The following RP1 variants were observed in gnomAD, a reference collection of about 807,000 sequenced individuals.
RP1 encodes the protein oxygen-regulated protein 1.
RP1 carries 16 observed loss-of-function variants against 14.8 expected under a neutral mutation model. That is an observed-to-expected ratio of 1.08 (90% CI 0.73 to 1.65). RP1 has a LOEUF of 1.65. Ranked by LOEUF, RP1 falls within the 40% of genes most tolerant of loss-of-function variation. The pLI, the probability that RP1 is intolerant of heterozygous loss-of-function variation, is 0.00. For synonymous variants in RP1, 876 were observed against 883.6 expected (o/e 0.99, Z 0.15); for missense variants, 2,631 against 2,535.0 (o/e 1.04, Z -0.81).
At chr8:54,717,539 A>G (rs1490103115) in intron 15 of RP1, among the ~76,000 whole-genome samples, 2 of 152,178 alleles carry the variant, frequency 1.3e-5, no homozygotes. Context: ...GGCTGATTGA[A>G]TATTGGTGGT....
At chr8:54,783,001 T>C (rs987720253) in intron 23 of RP1, among the ~76,000 whole-genome samples, 4 of 152,154 alleles carry the variant, frequency 2.6e-5, no homozygotes, top group African/African-American at 9.7e-5. Flanking sequence ...ATTTTCTTCC[T>C]TACTTGTTGG....
chr8:54,609,312 G>A lies in RP1; in HGVS notation c.-12-11643G>A, dbSNP rs578227090. Among the ~76,000 whole-genome samples, 6 of 152,028 alleles carry A rather than the reference G, an allele frequency of 3.9e-5. No individual in the cohort carries two copies. In the East Asian group the frequency reaches 9.7e-4, roughly 25 times the overall value. The stretch of plus-strand genomic sequence containing the variant: ...CCAGTCTTAAAAAAAAAAATAGCTG[G>A]GTGTGGTGATGCACTCCTGCAGTCC... On this transcript the variant is annotated intron_variant, in intron 1 of 22. Coordinates refer to the RP1 transcript ENST00000636932.
rs1460146364 is a variant in RP1, at chr8:54,628,180, C to T, written c.4298C>T (p.Ala1433Val). 2 of 1,613,854 alleles carry T rather than the reference C, an allele frequency of 1.2e-6. No individual in the cohort carries two copies. The highest frequency in any genetic ancestry group is 2.2e-5 in the South Asian group (2 of 91,074). ...CTAAGGAAGTTTCAGGATGAAAATG[C>T]ATATACTTCCTTTGATATGGAAGAA... ...CSLRKFQDEN[A>V]YTSFDMEEPR... Residue 1433 changes from alanine to valine, a missense_variant, in exon 4 of 4, where the codon GCA (alanine) becomes GTA (valine). Ala to Val is a moderately conservative substitution (Grantham distance 64). Coordinates refer to ENST00000220676, the MANE Select transcript of RP1 (RefSeq NM_006269.2).
chr8:54,601,213 T>C (rs1434480853), intron 1 of RP1, among the ~76,000 whole-genome samples: 17 of 152,184 alleles, frequency 1.1e-4, no homozygotes, highest in Admixed American at 1.1e-3. Flanking sequence ...TGTTAAAAAT[T>C]AAGCTTTGAA....
chr8:54,868,152 C>T (rs557478443), intron 28 of RP1, among the ~76,000 whole-genome samples: 1 of 152,174 alleles, frequency 6.6e-6, no homozygotes, highest in Admixed American at 6.5e-5. Flanking sequence ...GTCACATTCT[C>T]TTCCAAGCCA....
At chr8:54,682,025 A>G (rs1410546700) in intron 12 of RP1, among the ~76,000 whole-genome samples, 1 of 151,996 alleles carries the variant, frequency 6.6e-6, no homozygotes, top group Admixed American at 6.6e-5. Context: ...TATCTTCATA[A>G]TAGTATGATT....
rs143962057 is a variant in RP1, at chr8:54,652,965, G to A, written c.1038+99G>A. 1.0e-5 allele frequency: 8 copies of A among 765,930 alleles called. No homozygotes were observed. In the East Asian group the frequency reaches 2.2e-4, roughly 21 times the overall value. The allele number at this position is 765,930 out of a possible 1,614,324, so 47.4% of individuals were successfully genotyped here. On this transcript the variant is annotated intron_variant, in intron 5 of 22. Coordinates refer to the RP1 transcript ENST00000636932. Reference sequence around the variant, plus strand: ...GCCTATAATGAGTTGATAGAGTCCTGTACCTTTTTAGCCAGTGCTTTCTTC... The same window carrying A: ...GCCTATAATGAGTTGATAGAGTCCTATACCTTTTTAGCCAGTGCTTTCTTC...
At chr8:54,868,781 T>A (rs1344735867) in intron 28 of RP1, among the ~76,000 whole-genome samples, 3 of 152,186 alleles carry the variant, frequency 2.0e-5, no homozygotes, top group Admixed American at 2.0e-4. Flanking sequence ...TCTTCCGCAG[T>A]ATAGATTATC....
In RP1 at chr8:54,627,014, A is replaced by C. The variant is rs35234349; in HGVS notation, c.3132A>C (p.Lys1044Asn). ...HNTKSHIAAE[K>N]SGPEKKLVYQ... ...CTAAAAGTCATATAGCTGCTGAAAAATCAGGACCAGAGAAAAAACTTGTTT... is the reference window on the plus strand; with the variant it reads ...CTAAAAGTCATATAGCTGCTGAAAACTCAGGACCAGAGAAAAAACTTGTTT... The change falls in exon 4 of 4, where the codon AAA becomes AAC. Residue 1044 changes from lysine to asparagine, a missense_variant. Coordinates refer to ENST00000220676, the MANE Select transcript of RP1 (RefSeq NM_006269.2). 629 of 1,614,016 alleles carry C rather than the reference A, an allele frequency of 3.9e-4. 3 individuals are homozygous for C. In the African/African-American group the frequency reaches 7.2e-3, roughly 19 times the overall value.
At chr8:54,730,760 C>T (rs1368635002) in intron 17 of RP1, among the ~76,000 whole-genome samples, 1 of 152,044 alleles carries the variant, frequency 6.6e-6, no homozygotes. Context: ...TGTTAGTTAT[C>T]TCTACCAGCT....
intron 25 of RP1, among the ~76,000 whole-genome samples, chr8:54,841,204 C>T (rs1811782528): frequency 3.3e-5 from 5 of 152,134 alleles, no homozygotes; most frequent in Admixed American, 2.6e-4. Flanking sequence ...CTTGATTTGG[C>T]TTTGAGAAGA....
intron 5 of RP1, among the ~76,000 whole-genome samples, chr8:54,655,393 T>G (rs1396091102): frequency 6.6e-6 from 1 of 152,182 alleles, no homozygotes; most frequent in Non-Finnish European, 1.5e-5. Context: ...TTTCATATTT[T>G]TCAGTTCCTA....
chr8:54,837,041 T>G (rs1387955170), intron 24 of RP1, among the ~76,000 whole-genome samples: 2 of 152,172 alleles, frequency 1.3e-5, no homozygotes, highest in African/African-American at 4.8e-5. Flanking sequence ...AGTTTAAATC[T>G]AGGTGTACAT....
chr8:54,778,647 T>A (rs1194810025), intron 23 of RP1, among the ~76,000 whole-genome samples: 1 of 152,204 alleles, frequency 6.6e-6, no homozygotes, highest in Middle Eastern at 3.4e-3. Flanking sequence ...TAAGAGAAGG[T>A]GACCTTTGAG....
intron 15 of RP1, among the ~76,000 whole-genome samples, chr8:54,715,729 A>G (rs1369774839): frequency 6.6e-6 from 1 of 152,202 alleles, no homozygotes; most frequent in Non-Finnish European, 1.5e-5. Flanking sequence ...CATTACATGA[A>G]CAAATTATGA....
At chr8:54,865,559 C>T (rs1449988406) in intron 27 of RP1, among the ~76,000 whole-genome samples, 1 of 152,046 alleles carries the variant, frequency 6.6e-6, no homozygotes, top group Non-Finnish European at 1.5e-5. Context: ...TTACTTCTCT[C>T]TTTATTCTTG....
chr8:54,720,291 C>T (rs1168420787), exon 16 of RP1: 1 of 1,535,002 alleles, frequency 6.5e-7, no homozygotes, highest in Non-Finnish European at 8.7e-7. Context: ...TTGCTTCTAT[C>T]CACAAGTCAT....
chr8:54,770,270 G>A (rs1226478247), downstream of RP1: 3 of 396,106 alleles, frequency 7.6e-6, no homozygotes, highest in South Asian at 1.4e-4. Flanking sequence ...TTCTTATTGA[G>A]TTTAACTATT....
At chr8:54,722,192 C>T (rs1318320549) in intron 16 of RP1, among the ~76,000 whole-genome samples, 1 of 150,094 alleles carries the variant, frequency 6.7e-6, no homozygotes, top group East Asian at 1.9e-4. Flanking sequence ...AGAACGCTCC[C>T]CTGCACTCTA....
Sources: allele counts gnomAD v4.1 joint callset (sites outside exome capture counted in the v4.1 genomes callset), GRCh38; gene constraint gnomAD v4.1.1; transcripts MANE v1.5; gene names NCBI Gene and HGNC (gene_info 2026-07-23, HGNC 2026-07-21).